VEGFC: variants seen among roughly 807,000 people sequenced by gnomAD.
The protein encoded by VEGFC is vascular endothelial growth factor C.
VEGFC carries 12 observed loss-of-function variants against 46.1 expected under a neutral mutation model. The observed-to-expected ratio is 0.26, with a 90% confidence interval of 0.17 to 0.42. The LOEUF (loss-of-function observed/expected upper bound fraction) is 0.42, where lower values mean the gene tolerates loss of function less well. Ranked by LOEUF, VEGFC falls within the 10% of genes least tolerant of loss-of-function variation. VEGFC has a pLI of 1.00. For synonymous variants in VEGFC, 232 were observed against 195.5 expected, an observed-to-expected ratio of 1.19 and a Z score of -1.56; for missense variants, 488 against 529.4, an observed-to-expected ratio of 0.92 and a Z score of 0.77.
rs534957589 is a variant in VEGFC, at chr4:176,689,123, G to T, written c.705-1196C>A. Among the ~76,000 whole-genome samples the T allele has an allele frequency of 2.4e-4, 36 of 152,194 alleles. No individual in the cohort carries two copies. In the South Asian group the frequency reaches 3.7e-3, roughly 16 times the overall value. ...ATGTTGGTGTAGACATCAAATAGAAGTATTTATTTATATCTTTCACACTCA... is the reference window on the plus strand; with the variant it reads ...ATGTTGGTGTAGACATCAAATAGAATTATTTATTTATATCTTTCACACTCA... On this transcript the variant is annotated intron_variant, in intron 4 of 6. Coordinates refer to ENST00000618562, the MANE Select transcript of VEGFC (RefSeq NM_005429.5).
At chr4:176,780,429 G>T (rs1735896620) in intron 1 of VEGFC, among the ~76,000 whole-genome samples, 2 of 142,204 alleles carry the variant, frequency 1.4e-5, no homozygotes, top group South Asian at 4.6e-4. Flanking sequence ...TAAGCACTAA[G>T]CACGCATTTA....
At chr4:176,693,410 G>A (rs1258889367) in intron 4 of VEGFC, among the ~76,000 whole-genome samples, 2 of 137,694 alleles carry the variant, frequency 1.5e-5, no homozygotes, top group African/African-American at 6.7e-5. Flanking sequence ...AATGAAGCGA[G>A]AAGGGAAGTT....
intron 2 of VEGFC, among the ~76,000 whole-genome samples, chr4:176,728,828 C>A (rs566352094): frequency 6.6e-6 from 1 of 152,246 alleles, no homozygotes; most frequent in South Asian, 2.1e-4. Context: ...TTAAGAGCTA[C>A]CAACTGAAGG....
At chr4:176,749,044 A>C (rs1398393980) in intron 1 of VEGFC, among the ~76,000 whole-genome samples, 1 of 152,054 alleles carries the variant, frequency 6.6e-6, no homozygotes, top group Non-Finnish European at 1.5e-5. Flanking sequence ...TCAATAATGC[A>C]ATAATCTCAA....
intron 4 of VEGFC, chr4:176,689,549 C>T (rs117396463): frequency 2.6e-5 from 4 of 152,148 alleles, no homozygotes; most frequent in African/African-American, 7.2e-5. Flanking sequence ...GACAGTTTGT[C>T]GAAGATTGCC....
intron 1 of VEGFC, among the ~76,000 whole-genome samples, chr4:176,733,792 T>TA (rs1735006423): frequency 1.3e-5 from 2 of 151,766 alleles, no homozygotes; most frequent in Admixed American, 6.6e-5. Flanking sequence ...TAAATACACA[T>TA]AAACTGAGAG....
chr4:176,687,276 G>A lies in VEGFC; in HGVS notation c.1056C>T (p.Pro352=), dbSNP rs751982596. ...CACAGGCACATTTTCCAGGATTTAG[G>A]GGTTGATTTCTGGGGCAGGTTCTTT... ...VCKRTCPRNQ[P]LNPGKCACEC... is the part of the protein sequence containing the mutation. The change falls in exon 6 of 7, where the codon CCC becomes CCT. Residue 352 remains proline (P), a synonymous_variant. Transcript: ENST00000618562. 6.2e-7 allele frequency: 1 copy of A among 1,613,902 alleles called. No homozygotes were observed. Among genetic ancestry groups the A allele is most frequent in the Non-Finnish European group, 8.5e-7 (1 of 1,180,014 alleles).
intron 6 of VEGFC, among the ~76,000 whole-genome samples, chr4:176,685,851 T>C (rs1056227333): frequency 1.3e-5 from 2 of 152,146 alleles, no homozygotes; most frequent in African/African-American, 2.4e-5. Context: ...GATAGCCAGA[T>C]CCACTAAAGC....
At chr4:176,704,264 A>C (rs1734484720) in intron 4 of VEGFC, among the ~76,000 whole-genome samples, 1 of 152,010 alleles carries the variant, frequency 6.6e-6, no homozygotes, top group South Asian at 2.1e-4. Flanking sequence ...ATTTCCCCAC[A>C]GTTTCATCTG....
chr4:176,746,615 T>C (rs1435125677), intron 1 of VEGFC, among the ~76,000 whole-genome samples: 3 of 152,146 alleles, frequency 2.0e-5, no homozygotes. Context: ...GTGTCTTCTC[T>C]CTTGGTACTT....
intron 3 of VEGFC, 119 bp downstream of exon 3, chr4:176,727,659 G>A (rs200929887): frequency 4.9e-6 from 3 of 611,966 alleles, no homozygotes; most frequent in Non-Finnish European, 2.2e-6. Flanking sequence ...AAGAAAATAT[G>A]AGACCCTGAG....
chr4:176,698,124 T>TA (rs1350391798), intron 4 of VEGFC, among the ~76,000 whole-genome samples: 3 of 151,126 alleles, frequency 2.0e-5, no homozygotes, highest in African/African-American at 7.3e-5. Flanking sequence ...CCCTAAAACT[T>TA]AAAGTATAAT....
intron 3 of VEGFC, among the ~76,000 whole-genome samples, chr4:176,720,347 C>T (rs1056048975): frequency 6.6e-6 from 1 of 152,126 alleles, no homozygotes; most frequent in African/African-American, 2.4e-5. Context: ...GTACATCAAA[C>T]CTTCTGGTAT....
At chr4:176,689,776 G>C (rs1734115931) in intron 4 of VEGFC, 1 of 152,048 alleles carries the variant, frequency 6.6e-6, no homozygotes, top group African/African-American at 2.4e-5. Flanking sequence ...TTCTCATACA[G>C]CATATACACG....
At chr4:176,752,561 TTGAG>T (rs1735359052) in intron 1 of VEGFC, among the ~76,000 whole-genome samples, 1 of 152,124 alleles carries the variant, frequency 6.6e-6, no homozygotes, top group Non-Finnish European at 1.5e-5. Context: ...GGAAATGTCT[TTGAG>T]TGAGTCTTTA....
Position 176,739,623 on chromosome 4 carries a change from C to T in VEGFC, c.148-9877G>A, listed in dbSNP as rs182087549. ...GAGCGTATGAGGGTAGGGAACGCAT[C>T]GGAAGAATAGTTAATGGATGCTGGG... On this transcript the variant is annotated intron_variant, in intron 1 of 6. Transcript: ENST00000618562. 7.3e-5 allele frequency among the ~76,000 whole-genome samples: 11 copies of T among 151,560 alleles called. No homozygotes were observed. The South Asian group carries it at 1.5e-3, about 20-fold the overall frequency.
chr4:176,791,622 A>G (rs1736094933), intron 1 of VEGFC, among the ~76,000 whole-genome samples: 1 of 152,194 alleles, frequency 6.6e-6, no homozygotes, highest in African/African-American at 2.4e-5. Context: ...CTCAAGTCTG[A>G]CCAACTTCAA....
rs148817507 is a variant in VEGFC at position 176,750,664 on chromosome 4, T to C, written c.148-20918A>G. On this transcript the variant is annotated intron_variant, in intron 1 of 6. Transcript: ENST00000618562. Reference sequence around the variant, plus strand: ...ATCTAACATAAATTTAACAAGTTTCTTCTCATAGGTATACATATAAAATCC... The same window carrying C: ...ATCTAACATAAATTTAACAAGTTTCCTCTCATAGGTATACATATAAAATCC... Among the ~76,000 whole-genome samples, 294 of 151,914 alleles carry C rather than the reference T, an allele frequency of 1.9e-3. 2 individuals are homozygous for C. The highest frequency in any genetic ancestry group is 6.8e-3 in the African/African-American group (282 of 41,564).
At chr4:176,731,175 G>T (rs1436843421) in intron 1 of VEGFC, among the ~76,000 whole-genome samples, 2 of 151,942 alleles carry the variant, frequency 1.3e-5, no homozygotes, top group African/African-American at 2.4e-5. Flanking sequence ...GTGGAGAGGA[G>T]ATCTTAGTTT....
Sources: allele counts gnomAD v4.1 joint callset (sites outside exome capture counted in the v4.1 genomes callset), GRCh38; gene constraint gnomAD v4.1.1; transcripts MANE v1.5; gene names NCBI Gene and HGNC (gene_info 2026-07-23, HGNC 2026-07-21).